CLIP2: variants seen among roughly 807,000 people sequenced by gnomAD.
CLIP2 encodes CAP-Gly domain-containing linker protein 2.
CLIP2 carries 41 observed loss-of-function variants against 111.7 expected under a neutral mutation model. That is an observed-to-expected ratio of 0.37 (90% CI 0.29 to 0.48). CLIP2 has a LOEUF of 0.48. Among genes scored for constraint, CLIP2 ranks in the 20% least tolerant of loss-of-function variants. The pLI is 0.99. For synonymous variants in CLIP2, 660 were observed against 644.2 expected (o/e 1.02, Z -0.37); for missense variants, 1,160 against 1,422.1 (o/e 0.82, Z 2.96).
intron 16 of CLIP2, among the ~76,000 whole-genome samples, chr7:74,402,353 A>AG (rs1554317863): frequency 6.6e-6 from 1 of 151,328 alleles, no homozygotes; most frequent in East Asian, 1.9e-4. Context: ...ACCAAAAAAA[A>AG]AAAAAAATAC....
chr7:74,370,822 A>G (rs1407248198), intron 8 of CLIP2, among the ~76,000 whole-genome samples: 1 of 151,908 alleles, frequency 6.6e-6, no homozygotes, highest in Non-Finnish European at 1.5e-5. Context: ...TGTAAATTAC[A>G]TGTTTCCTCT....
intron 1 of CLIP2, among the ~76,000 whole-genome samples, chr7:74,305,620 A>G (rs1199901279): frequency 1.3e-5 from 2 of 152,144 alleles, no homozygotes; most frequent in African/African-American, 2.4e-5. Context: ...CAGTCTCCCA[A>G]GTGGCTGGGA....
intron 7 of CLIP2, among the ~76,000 whole-genome samples, chr7:74,363,392 T>C (rs1009600955): frequency 1.3e-5 from 2 of 152,160 alleles, no homozygotes; most frequent in East Asian, 1.9e-4. Context: ...AGAGTGTGTC[T>C]CCCTGAGGGT....
At chr7:74,325,598 G>T (rs782759039) in intron 2 of CLIP2, among the ~76,000 whole-genome samples, 2 of 152,176 alleles carry the variant, frequency 1.3e-5, no homozygotes, top group African/African-American at 2.4e-5. Context: ...TTGAGAGGCC[G>T]ACGCAGGTGG....
chr7:74,308,159 A>G (rs1005354180), intron 1 of CLIP2, among the ~76,000 whole-genome samples: 1 of 152,116 alleles, frequency 6.6e-6, no homozygotes, highest in African/African-American at 2.4e-5. Flanking sequence ...GTCAGTAGGT[A>G]ATGCAAATAG....
At chr7:74,307,039 A>G (rs373157242) in intron 1 of CLIP2, among the ~76,000 whole-genome samples, 14 of 152,174 alleles carry the variant, frequency 9.2e-5, no homozygotes, top group African/African-American at 3.1e-4. Flanking sequence ...GCTGAGTCAC[A>G]CGAGGGCAGG....
intron 1 of CLIP2, among the ~76,000 whole-genome samples, chr7:74,315,888 T>A (rs1179651303): frequency 1.2e-4 from 18 of 147,820 alleles, no homozygotes; most frequent in Admixed American, 4.8e-4. Flanking sequence ...TTTTTTTTTT[T>A]AAATTTTAAA....
At chr7:74,306,943 G>C (rs552698156) in intron 1 of CLIP2, among the ~76,000 whole-genome samples, 1 of 152,302 alleles carries the variant, frequency 6.6e-6, no homozygotes, top group South Asian at 2.1e-4. Context: ...CTCCCACGTC[G>C]GCCACAGTGT....
intron 7 of CLIP2, among the ~76,000 whole-genome samples, chr7:74,361,231 C>CT (rs1236043389): frequency 1.5e-5 from 2 of 131,364 alleles, no homozygotes; most frequent in Non-Finnish European, 3.2e-5. Context: ...CTTTTTCTTT[C>CT]TTTTTTTCAG....
chr7:74,396,764 G>A (rs1048465561), intron 13 of CLIP2, among the ~76,000 whole-genome samples: 2 of 152,026 alleles, frequency 1.3e-5, no homozygotes, highest in Admixed American at 6.6e-5. Context: ...CAAATGATCC[G>A]CCCACCTCGG....
At chr7:74,372,898 C>A in intron 8 of CLIP2, 34 bp from the exon 9 acceptor site, 1 of 774,264 alleles carries the variant, frequency 1.3e-6, no homozygotes, top group South Asian at 1.5e-5. Flanking sequence ...TCCCCGCCCC[C>A]ACCCCCCCAC....
chr7:74,354,569 C>T (rs1790097116), intron 4 of CLIP2, among the ~76,000 whole-genome samples: 2 of 152,044 alleles, frequency 1.3e-5, no homozygotes, highest in South Asian at 2.1e-4. Context: ...GAGCCAAGAT[C>T]GCACCACTGC....
At chr7:74,362,528 C>CTTTTTTTTTTTTTTTTTTTT (rs3044338) in intron 7 of CLIP2, among the ~76,000 whole-genome samples, 72 of 121,948 alleles carry the variant, frequency 5.9e-4, no homozygotes, top group Non-Finnish European at 7.3e-4. Context: ...TTTTTCTTTT[C>CTTTTTTTTTTTTTTTTTTTT]TTTTTTTTTT....
intron 8 of CLIP2, among the ~76,000 whole-genome samples, chr7:74,370,249 G>A (rs1359880972): frequency 9.2e-5 from 14 of 151,704 alleles, no homozygotes; most frequent in African/African-American, 3.1e-4. Context: ...GAGGTCAGGG[G>A]ATCGAAACCA....
chr7:74,392,515 C>A (rs1791321192), intron 13 of CLIP2, among the ~76,000 whole-genome samples: 1 of 151,640 alleles, frequency 6.6e-6, no homozygotes, highest in Non-Finnish European at 1.5e-5. Context: ...CAGAGCAAGA[C>A]CCTGTCTCAA....
intron 11 of CLIP2, among the ~76,000 whole-genome samples, chr7:74,384,606 T>A (rs1554314506): frequency 1.3e-5 from 2 of 151,598 alleles, no homozygotes; most frequent in African/African-American, 4.8e-5. Context: ...CCATCACGCC[T>A]GGCTAATTTT....
In CLIP2 at chr7:74,357,291, C is replaced by A. The variant is rs782162173; in HGVS notation, c.1029C>A (p.Thr343=). ...ACACCTTCCTGCAGCTCACGGAGAC[C>A]TCTTCACGCTACGCCCGCAAGATCT... The part of the protein sequence containing the change: ...RPSRSGLLTE[T]SSRYARKISG... Residue 343 remains threonine (T), a synonymous_variant, in exon 6 of 17, where the codon ACC becomes ACA. Transcript: ENST00000223398. The A allele has an allele frequency of 1.2e-6, 2 of 1,614,020 alleles. No homozygotes were observed. The highest frequency in any genetic ancestry group is 2.2e-5 in the South Asian group (2 of 91,074).
chr7:74,322,894 C>A (rs1215012758), intron 2 of CLIP2, among the ~76,000 whole-genome samples: 4 of 151,886 alleles, frequency 2.6e-5, no homozygotes, highest in African/African-American at 7.3e-5. Flanking sequence ...CCATGCCCAG[C>A]TGATTTTTGT....
chr7:74,300,478 C>T (rs60265997), intron 1 of CLIP2, among the ~76,000 whole-genome samples: 16,450 of 144,740 alleles, frequency 0.11, 1,751 homozygotes, highest in East Asian at 0.3. Context: ...TTTTTTGAGA[C>T]GGAGTCTCGC....
Sources: allele counts gnomAD v4.1 joint callset (sites outside exome capture counted in the v4.1 genomes callset), GRCh38; gene constraint gnomAD v4.1.1; transcripts MANE v1.5; gene names NCBI Gene and HGNC (gene_info 2026-07-23, HGNC 2026-07-21).